Variants in SLC6A15 observed in about 807,000 individuals in gnomAD.
SLC6A15 encodes sodium-dependent neutral amino acid transporter B(0)AT2.
In SLC6A15, 33 loss-of-function variants were observed where a neutral mutation model predicts 68.5. The ratio of observed to expected loss-of-function variants is 0.48; its 90% CI spans 0.37 to 0.64. SLC6A15 has a LOEUF of 0.64. SLC6A15 is among the 30% of genes least tolerant of loss of function. The pLI is 0.00. For missense variants in SLC6A15, 747 were observed against 874.3 expected, an observed-to-expected ratio of 0.85 and a Z score of 1.84; for synonymous variants, 347 against 301.0, an observed-to-expected ratio of 1.15 and a Z score of -1.58.
At chr12:84,875,915 T>TATAA (rs1420248070) in intron 6 of SLC6A15, among the ~76,000 whole-genome samples, 1 of 151,276 alleles carries the variant, frequency 6.6e-6, no homozygotes, top group Non-Finnish European at 1.5e-5. Flanking sequence ...AGCTGATTAC[T>TATAA]ATAAATATTC....
At chr12:84,880,996 T>G in intron 5 of SLC6A15, 2 of 383,056 alleles carry the variant, frequency 5.2e-6, no homozygotes, top group African/African-American at 2.2e-5. Flanking sequence ...TTGTCAACTT[T>G]GCAGTAAAAT....
At chr12:84,866,651 A>G (rs2120544975) in intron 10 of SLC6A15, among the ~76,000 whole-genome samples, 1 of 152,306 alleles carries the variant, frequency 6.6e-6, no homozygotes, top group African/African-American at 2.4e-5. Flanking sequence ...CAGGTGGGTG[A>G]CAGGCAAGTC....
In SLC6A15 at chr12:84,873,123, A is replaced by C; in HGVS notation, c.1073T>G (p.Phe358Cys). The part of the protein sequence containing the change: ...ATLVVFAVLG[F>C]KANVINEKCI... ...TTTCTCATTTATGACATTTGCTTTG[A>C]AGCCCAGAACTGCAAACACCACCAA... The change falls in exon 7 of 12, where the codon TTC becomes TGC. Residue 358 changes from phenylalanine (F) to cysteine (C), a missense_variant. By Grantham distance (205) the Phe-to-Cys change is radical. Coordinates refer to ENST00000266682, the MANE Select transcript of SLC6A15 (RefSeq NM_182767.6). 1 of 1,614,158 alleles carries C rather than the reference A, an allele frequency of 6.2e-7. No homozygotes were observed. The highest frequency in any genetic ancestry group is 8.5e-7 in the Non-Finnish European group (1 of 1,179,998).
chr12:84,889,694 T>G (rs1168445222), intron 2 of SLC6A15, among the ~76,000 whole-genome samples: 1 of 152,154 alleles, frequency 6.6e-6, no homozygotes, highest in African/African-American at 2.4e-5. Context: ...TAGCTATTAA[T>G]GTATCCCTTA....
chr12:84,876,776 T>C (rs1297237078), intron 5 of SLC6A15, among the ~76,000 whole-genome samples, 169 bp from the exon 6 acceptor site: 1 of 152,204 alleles, frequency 6.6e-6, no homozygotes, highest in Non-Finnish European at 1.5e-5. Flanking sequence ...TGAGTCGTGA[T>C]TCAGCCTTAA....
chr12:84,905,655 C>G (rs1298415330), intron 1 of SLC6A15, among the ~76,000 whole-genome samples: 2 of 152,212 alleles, frequency 1.3e-5, no homozygotes, highest in Non-Finnish European at 2.9e-5. Flanking sequence ...GCTCAAGTCC[C>G]ACATTCATCT....
At position 84,888,099 on chromosome 12, in the gene SLC6A15, GA is replaced by G. The variant is rs147160870; in HGVS notation, c.290-2032del. On this transcript the variant is annotated intron_variant, in intron 2 of 11. Coordinates refer to ENST00000266682, the MANE Select transcript of SLC6A15 (RefSeq NM_182767.6). Reference sequence around the variant, plus strand: ...ATAAAATAAAATACAAAAAACAAAGGAAAAAAAAAAACAGCTGAGCGTGGGC... The same window carrying G: ...ATAAAATAAAATACAAAAAACAAAGGAAAAAAAAAACAGCTGAGCGTGGGC... Among the ~76,000 whole-genome samples, 234 of 141,216 alleles carry G rather than the reference GA, an allele frequency of 1.7e-3. 2 individuals carry two copies. Among genetic ancestry groups the G allele is most frequent in the Middle Eastern group, 7.2e-3 (2 of 278 alleles). 92.6% of individuals were successfully genotyped at this position (141,216 alleles called of 152,430 possible).
At chr12:84,888,682 G>A (rs73377510) in intron 2 of SLC6A15, among the ~76,000 whole-genome samples, 12 of 152,126 alleles carry the variant, frequency 7.9e-5, no homozygotes, top group Non-Finnish European at 1.6e-4. Flanking sequence ...CTTGGGTGAG[G>A]GGTACATTAA....
chr12:84,890,437 T>A (rs542567006), intron 2 of SLC6A15, among the ~76,000 whole-genome samples: 1 of 152,242 alleles, frequency 6.6e-6, no homozygotes, highest in South Asian at 2.1e-4. Flanking sequence ...ATTCTGCTAG[T>A]CTTGGCAAAT....
intron 1 of SLC6A15, among the ~76,000 whole-genome samples, chr12:84,903,336 T>C (rs919180040): frequency 6.6e-6 from 1 of 152,058 alleles, no homozygotes; most frequent in Non-Finnish European, 1.5e-5. Context: ...CATGTATACA[T>C]ATGTAACAAA....
At chr12:84,882,366 T>C in intron 5 of SLC6A15, 1 of 981,806 alleles carries the variant, frequency 1.0e-6, no homozygotes, top group Non-Finnish European at 1.2e-6. Flanking sequence ...TATAATACAA[T>C]AACATTGCCA....
chr12:84,885,390 C>T (rs1271351114), intron 4 of SLC6A15, 45 bp downstream of exon 4: 4 of 1,502,478 alleles, frequency 2.7e-6, no homozygotes, highest in Non-Finnish European at 3.6e-6. Flanking sequence ...CTTTGCCACT[C>T]TTATAATGCT....
intron 1 of SLC6A15, among the ~76,000 whole-genome samples, chr12:84,899,400 G>C (rs998543080): frequency 6.6e-6 from 1 of 152,278 alleles, no homozygotes; most frequent in Non-Finnish European, 1.5e-5. Context: ...TTAATCTTGA[G>C]GAGAGGCACA....
chr12:84,889,706 A>G (rs1409597766), intron 2 of SLC6A15, among the ~76,000 whole-genome samples: 1 of 152,134 alleles, frequency 6.6e-6, no homozygotes, highest in East Asian at 1.9e-4. Context: ...TATCCCTTAT[A>G]AGAATCCTTG....
rs139578956 is a variant in SLC6A15, at chr12:84,873,681, C to A, written c.868-353G>T. Among the ~76,000 whole-genome samples the A allele has an allele frequency of 6.0e-3, 911 of 152,150 alleles. 6 individuals carry two copies. The highest frequency in any genetic ancestry group is 0.015 in the South Asian group (74 of 4,822). On this transcript the variant is annotated intron_variant, in intron 6 of 11. Coordinates refer to ENST00000266682, the MANE Select transcript of SLC6A15 (RefSeq NM_182767.6). ...ATTATGTCTTTTTTTCTTTCCATAG[C>A]AAAACAGGTCAATTACCAATAAAAG...
At position 84,861,916 on chromosome 12, in the gene SLC6A15, A is replaced by T. The variant is rs1319126140; in HGVS notation, c.1909T>A (p.Phe637Ile). 29 of 1,614,056 alleles carry T rather than the reference A, an allele frequency of 1.8e-5. No individual in the cohort carries two copies. The highest frequency in any genetic ancestry group is 2.5e-5 in the Non-Finnish European group (29 of 1,179,942). ...VFAILPVPVVFIVRRFNLIDD... is the reference protein window; with the variant it reads ...VFAILPVPVVIIVRRFNLIDD... The stretch of plus-strand genomic sequence containing the variant: ...ATAAGGTTGAAGCGACGAACAATGA[A>T]AACTACAGGGACTGGGAGTATTGCA... The change falls in exon 12 of 12, where the codon TTC becomes ATC. Residue 637 changes from phenylalanine to isoleucine, a missense_variant. Physicochemically the swap from Phe to Ile is conservative, Grantham distance 21. Coordinates refer to ENST00000266682, the MANE Select transcript of SLC6A15 (RefSeq NM_182767.6).
rs374919743 is a variant in SLC6A15, at chr12:84,861,588, T to G, written c.*44A>C. 9.1e-6 allele frequency: 14 copies of G among 1,546,008 alleles called. No individual in the cohort carries two copies. The highest frequency in any genetic ancestry group is 1.2e-5 in the Non-Finnish European group (14 of 1,145,340). ...CTTCTCCTACTAGGGCCAATGTTCA[T>G]TGGTAAAAATGAACCAAATAAAACC... On this transcript the variant is annotated 3_prime_UTR_variant, in exon 12 of 12. Coordinates refer to ENST00000266682, the MANE Select transcript of SLC6A15 (RefSeq NM_182767.6).
At chr12:84,909,005 A>G (rs567040375) in intron 1 of SLC6A15, among the ~76,000 whole-genome samples, 135 of 152,250 alleles carry the variant, frequency 8.9e-4, no homozygotes, top group Non-Finnish European at 1.6e-3. Flanking sequence ...TATTTTGTAT[A>G]TCTTGCATCT....
At position 84,883,562 on chromosome 12, in the gene SLC6A15, A is replaced by G. The variant is rs79212660; in HGVS notation, c.756+297T>C. The stretch of plus-strand genomic sequence containing the variant: ...GTAATTAGAGAACTGAAACATTAGG[A>G]CTAATTGAATAAAGGGCAAAAAGAA... On this transcript the variant is annotated intron_variant, in intron 5 of 11. Coordinates refer to ENST00000266682, the MANE Select transcript of SLC6A15 (RefSeq NM_182767.6). The G allele has an allele frequency of 8.9e-3, 12,247 of 1,376,632 alleles. 693 individuals are homozygous for G. In the African/African-American group the frequency reaches 0.14, roughly 16 times the overall value. The allele number at this position is 1,376,632 out of a possible 1,614,324, so 85.3% of individuals were successfully genotyped here.
Sources: gnomAD v4.1 joint callset for allele counts (sites outside exome capture counted in the v4.1 genomes callset) on GRCh38, gnomAD v4.1.1 for gene constraint, MANE v1.5 for transcripts, NCBI Gene and HGNC (gene_info 2026-07-23, HGNC 2026-07-21) for gene names.